Variants in CDH13 observed in about 807,000 individuals in gnomAD.
CDH13 encodes the protein cadherin-13.
In CDH13, 24 loss-of-function variants were observed where a neutral mutation model predicts 63.8. That is an observed-to-expected ratio of 0.38 (90% CI 0.27 to 0.53). The LOEUF (loss-of-function observed/expected upper bound fraction) is 0.53, where lower values mean the gene tolerates loss of function less well. Ranked by LOEUF, CDH13 falls within the 20% of genes least tolerant of loss-of-function variation. CDH13 has a pLI of 0.85. For synonymous variants in CDH13, 503 were observed against 355.3 expected (o/e 1.42, Z -4.67); for missense variants, 1,049 against 903.1 (o/e 1.16, Z -2.07).
At chr16:83,472,610 G>A (rs1257307575) in intron 6 of CDH13, among the ~76,000 whole-genome samples, 2 of 152,214 alleles carry the variant, frequency 1.3e-5, no homozygotes, top group Non-Finnish European at 2.9e-5. Context: ...GGTGTGGGGA[G>A]CAGGTGCCTT....
chr16:82,990,986 C>T (rs1355841238), intron 2 of CDH13, among the ~76,000 whole-genome samples: 3 of 152,232 alleles, frequency 2.0e-5, no homozygotes, highest in South Asian at 2.1e-4. Flanking sequence ...AAACCATACT[C>T]GTCTCATTGG....
intron 1 of CDH13, among the ~76,000 whole-genome samples, chr16:82,808,653 G>C (rs2037280616): frequency 6.6e-6 from 1 of 152,140 alleles, no homozygotes; most frequent in African/African-American, 2.4e-5. Context: ...CAAAGGAAAG[G>C]CTTCTAGTGT....
At chr16:83,763,907 G>A (rs551382938) in intron 11 of CDH13, among the ~76,000 whole-genome samples, 12 of 152,200 alleles carry the variant, frequency 7.9e-5, no homozygotes, top group Admixed American at 2.0e-4. Flanking sequence ...AGATAATGGA[G>A]CCTAGTGCCA....
intron 7 of CDH13, among the ~76,000 whole-genome samples, chr16:83,553,775 T>A (rs1351794273): frequency 1.3e-5 from 2 of 152,228 alleles, no homozygotes; most frequent in Non-Finnish European, 2.9e-5. Flanking sequence ...TAGGCTGGTC[T>A]TGAACTCCTG....
At chr16:83,645,776 C>T (rs1391157447) in intron 8 of CDH13, among the ~76,000 whole-genome samples, 1 of 152,012 alleles carries the variant, frequency 6.6e-6, no homozygotes, top group Non-Finnish European at 1.5e-5. Context: ...GCAGGGAAAA[C>T]AGGAGGAGAG....
At chr16:83,123,144 G>A (rs117496244) in intron 3 of CDH13, among the ~76,000 whole-genome samples, 2,989 of 149,670 alleles carry the variant, frequency 0.02, 45 homozygotes, top group Non-Finnish European at 0.028. Context: ...TGGCATGTGC[G>A]TGTGTGTGTA....
intron 10 of CDH13, among the ~76,000 whole-genome samples, chr16:83,740,950 G>C (rs1912001490): frequency 6.6e-6 from 1 of 152,348 alleles, no homozygotes; most frequent in East Asian, 1.9e-4. Flanking sequence ...TGAGGAAAGA[G>C]ATAGAAAATG....
chr16:83,088,645 C>A (rs1477852445), intron 3 of CDH13, among the ~76,000 whole-genome samples: 1 of 152,184 alleles, frequency 6.6e-6, no homozygotes, highest in African/African-American at 2.4e-5. Flanking sequence ...TATTTACATT[C>A]TTCATATAAT....
At chr16:83,289,022 T>G (rs1371681944) in intron 5 of CDH13, among the ~76,000 whole-genome samples, 1 of 152,208 alleles carries the variant, frequency 6.6e-6, no homozygotes, top group Admixed American at 6.5e-5. Flanking sequence ...GAACACCACC[T>G]TTTTGAAATA....
rs369583830 is a variant in CDH13 at position 83,765,451 on chromosome 16, A to G, written c.1682-14517A>G. Among the ~76,000 whole-genome samples, 5 of 152,182 alleles carry G rather than the reference A, an allele frequency of 3.3e-5. No homozygotes were observed. The East Asian group carries it at 7.7e-4, about 23-fold the overall frequency. ...TGGATAATTGCTTCAGTTCTACATC[A>G]AGTATAGTATACACGGAAACCTGGC... On this transcript the variant is annotated intron_variant, in intron 11 of 13. Coordinates refer to ENST00000567109, the MANE Select transcript of CDH13 (RefSeq NM_001257.5).
At chr16:83,537,074 G>A (rs1338520647) in intron 7 of CDH13, among the ~76,000 whole-genome samples, 1 of 152,146 alleles carries the variant, frequency 6.6e-6, no homozygotes, top group Non-Finnish European at 1.5e-5. Context: ...GTGGGGATTC[G>A]AGCAACAAGA....
chr16:82,735,262 G>A (rs533643752), intron 1 of CDH13, among the ~76,000 whole-genome samples: 3 of 152,300 alleles, frequency 2.0e-5, no homozygotes, highest in Admixed American at 2.0e-4. Context: ...ATTTTCCAGG[G>A]TGTACAGAAG....
At chr16:83,198,193 G>A (rs536272151) in intron 4 of CDH13, among the ~76,000 whole-genome samples, 1 of 151,658 alleles carries the variant, frequency 6.6e-6, no homozygotes, top group East Asian at 1.9e-4. Flanking sequence ...AAGCAAACCT[G>A]GTTTTAAAAA....
intron 7 of CDH13, among the ~76,000 whole-genome samples, chr16:83,533,976 C>A (rs1192013455): frequency 1.3e-5 from 2 of 152,132 alleles, no homozygotes; most frequent in African/African-American, 4.8e-5. Context: ...TTTGTCAAGG[C>A]AAAATTCACA....
chr16:83,501,070 A>G (rs6563920), intron 7 of CDH13, among the ~76,000 whole-genome samples: 152,264 of 152,366 alleles, frequency 1, 76,081 homozygotes, highest in Non-Finnish European at 1. Flanking sequence ...TTCTTTAAGT[A>G]ACAGAGACAT....
chr16:83,365,360 A>C (rs2091239125), intron 6 of CDH13, among the ~76,000 whole-genome samples: 1 of 152,218 alleles, frequency 6.6e-6, no homozygotes, highest in Non-Finnish European at 1.5e-5. Context: ...CCACCACATT[A>C]GGAAGGGTCA....
At chr16:82,839,795 T>A (rs971988939) in intron 1 of CDH13, among the ~76,000 whole-genome samples, 1 of 152,234 alleles carries the variant, frequency 6.6e-6, no homozygotes, top group African/African-American at 2.4e-5. Flanking sequence ...TATCATATTT[T>A]ATACTGCATA....
At chr16:83,484,090 C>T (rs774123572) in intron 6 of CDH13, among the ~76,000 whole-genome samples, 2 of 152,166 alleles carry the variant, frequency 1.3e-5, no homozygotes, top group Non-Finnish European at 2.9e-5. Context: ...GCTGAGACTG[C>T]CTAACAAATC....
At chr16:83,505,340 A>T (rs2074371084) in intron 7 of CDH13, among the ~76,000 whole-genome samples, 1 of 152,124 alleles carries the variant, frequency 6.6e-6, no homozygotes, top group Non-Finnish European at 1.5e-5. Flanking sequence ...ACTAGGACTC[A>T]GAAGTGCTTT....
Sources: allele counts gnomAD v4.1 joint callset (sites outside exome capture counted in the v4.1 genomes callset), GRCh38; gene constraint gnomAD v4.1.1; transcripts MANE v1.5; gene names NCBI Gene and HGNC (gene_info 2026-07-23, HGNC 2026-07-21).